VWC2L: variants seen among roughly 807,000 people sequenced by gnomAD.
The protein encoded by VWC2L is von Willebrand factor C domain-containing protein 2-like.
A neutral mutation model predicts 21.6 loss-of-function variants in VWC2L; 10 were observed. The ratio of observed to expected loss-of-function variants is 0.46; its 90% CI spans 0.29 to 0.78. The LOEUF (loss-of-function observed/expected upper bound fraction) is 0.78, where lower values mean the gene tolerates loss of function less well. Ranked by LOEUF, VWC2L falls within the 30% of genes least tolerant of loss-of-function variation. The pLI is 0.10. For missense variants in VWC2L, 209 were observed against 277.1 expected (o/e 0.75, Z 1.74); for synonymous variants, 96 against 94.3 (o/e 1.02, Z -0.10).
chr2:214,533,624 C>G (rs541977357), intron 3 of VWC2L, among the ~76,000 whole-genome samples: 228 of 151,288 alleles, frequency 1.5e-3, no homozygotes, highest in Non-Finnish European at 2.7e-3. Context: ...CGCTCAAAGA[C>G]ACAGTTGTTA....
chr2:214,480,864 CA>C (rs59720596), intron 3 of VWC2L, among the ~76,000 whole-genome samples: 21 of 71,756 alleles, frequency 2.9e-4, no homozygotes, highest in South Asian at 1.2e-3. Context: ...TATGCCAAGC[CA>C]AAAAAAAAAA....
chr2:214,420,151 A>C (rs1311928118), intron 2 of VWC2L, among the ~76,000 whole-genome samples: 1 of 152,194 alleles, frequency 6.6e-6, no homozygotes, highest in Non-Finnish European at 1.5e-5. Context: ...TTTAGAATTG[A>C]TTTGCCCTTT....
At chr2:214,486,730 C>A (rs1355050665) in intron 3 of VWC2L, among the ~76,000 whole-genome samples, 1 of 152,190 alleles carries the variant, frequency 6.6e-6, no homozygotes, top group South Asian at 2.1e-4. Flanking sequence ...TCCATCCTAT[C>A]ACTGGGTCTG....
chr2:214,495,337 T>G (rs1574596876), intron 3 of VWC2L, among the ~76,000 whole-genome samples: 2 of 152,082 alleles, frequency 1.3e-5, no homozygotes, highest in Non-Finnish European at 2.9e-5. Flanking sequence ...TGCTCAGAGG[T>G]TTCTTAGAGG....
intron 3 of VWC2L, among the ~76,000 whole-genome samples, chr2:214,529,473 A>G (rs771328302): frequency 1.3e-5 from 2 of 152,158 alleles, no homozygotes; most frequent in Non-Finnish European, 2.9e-5. Context: ...CGGAAACTCA[A>G]TGACCAAACT....
rs565469383 is a variant in VWC2L, at chr2:214,496,756, C to T, written c.520+59998C>T. Among the ~76,000 whole-genome samples the T allele has an allele frequency of 6.6e-4, 101 of 152,150 alleles. 2 individuals carry two copies. Among genetic ancestry groups the T allele is most frequent in the Middle Eastern group, 3.4e-3 (1 of 294 alleles). On this transcript the variant is annotated intron_variant, in intron 3 of 3. Transcript: ENST00000312504. The stretch of plus-strand genomic sequence containing the variant: ...TTTAAACAAAAAGTTATAATCTTAC[C>T]AATGATTTATTCTAAAAATGCACTT...
At chr2:214,556,067 A>C (rs1689868108) in intron 3 of VWC2L, among the ~76,000 whole-genome samples, 1 of 152,112 alleles carries the variant, frequency 6.6e-6, no homozygotes, top group Admixed American at 6.6e-5. Context: ...TCACCAATGC[A>C]GAGAGTTCCT....
intron 3 of VWC2L, among the ~76,000 whole-genome samples, chr2:214,495,316 C>T (rs555965772): frequency 2.6e-5 from 4 of 152,238 alleles, no homozygotes; most frequent in Middle Eastern, 3.4e-3. Flanking sequence ...CCAGTTGTGA[C>T]TCTGAGGGCC....
chr2:214,513,686 A>G (rs980747759), intron 3 of VWC2L, among the ~76,000 whole-genome samples: 1 of 152,120 alleles, frequency 6.6e-6, no homozygotes, highest in Non-Finnish European at 1.5e-5. Context: ...AGCTTGCTAC[A>G]GATGGTTCTA....
chr2:214,422,299 TTGTG>T (rs112286362), intron 2 of VWC2L, among the ~76,000 whole-genome samples: 8 of 150,142 alleles, frequency 5.3e-5, no homozygotes, highest in African/African-American at 1.2e-4. Flanking sequence ...ATGCATTAAT[TTGTG>T]TGTGTGTGTG....
chr2:214,496,806 C>T (rs548809615), intron 3 of VWC2L, among the ~76,000 whole-genome samples: 52 of 152,248 alleles, frequency 3.4e-4, no homozygotes, highest in African/African-American at 1.1e-3. Flanking sequence ...TCTCACCAGA[C>T]GCTTGGTTCT....
chr2:214,418,600 TTTTTC>T (rs1452813429), intron 2 of VWC2L, among the ~76,000 whole-genome samples: 1 of 152,200 alleles, frequency 6.6e-6, no homozygotes, highest in Non-Finnish European at 1.5e-5. Flanking sequence ...ACTGTTTTCT[TTTTTC>T]TTTTCCCCTC....
Position 214,480,864 on chromosome 2 carries a change from C to CAAAAAAAAAAAAAAAAA in VWC2L, c.520+44114_520+44130dup, listed in dbSNP as rs59720596. Among the ~76,000 whole-genome samples, 43 of 71,742 alleles carry CAAAAAAAAAAAAAAAAA rather than the reference C, an allele frequency of 6.0e-4. 1 individual carries two copies. The highest frequency in any genetic ancestry group is 2.3e-3 in the African/African-American group (43 of 18,414). The allele number at this position is 71,742 out of a possible 152,430, so 47.1% of individuals were successfully genotyped here. ...TTATTCAGAGGTCCATATGCCAAGC[C>CAAAAAAAAAAAAAAAAA]AAAAAAAAAAAAAAAAAAAAAAAAG... is the stretch of plus-strand genomic sequence containing the variant. On this transcript the variant is annotated intron_variant, in intron 3 of 3. Coordinates refer to ENST00000312504, the MANE Select transcript of VWC2L (RefSeq NM_001080500.4).
intron 2 of VWC2L, among the ~76,000 whole-genome samples, chr2:214,433,183 T>TATTA (rs1278271015): frequency 8.8e-6 from 1 of 114,076 alleles, no homozygotes; most frequent in African/African-American, 3.1e-5. Flanking sequence ...TATATATATA[T>TATTA]TATATATAAA....
chr2:214,490,021 T>C (rs1362699753), intron 3 of VWC2L, among the ~76,000 whole-genome samples: 1 of 152,202 alleles, frequency 6.6e-6, no homozygotes, highest in Non-Finnish European at 1.5e-5. Context: ...ACTGTGTACC[T>C]GGGAAGAAGA....
intron 3 of VWC2L, among the ~76,000 whole-genome samples, chr2:214,560,905 G>C (rs1309610175): frequency 6.6e-6 from 1 of 152,172 alleles, no homozygotes; most frequent in Non-Finnish European, 1.5e-5. Context: ...TACTTGCTCA[G>C]AATTTCTCCT....
chr2:214,554,430 G>A (rs577806246), intron 3 of VWC2L, among the ~76,000 whole-genome samples: 21 of 152,198 alleles, frequency 1.4e-4, no homozygotes, highest in Non-Finnish European at 2.4e-4. Context: ...TTTGGGGGCC[G>A]AGGCGGGTGG....
In VWC2L at chr2:214,575,787, G is replaced by C; in HGVS notation, c.636G>C (p.Ser212=). The part of the protein sequence containing the change: ...NGDWWKPAQC[S]KRECQGKQTV Reference sequence around the variant, plus strand: ...ACTGGTGGAAGCCTGCTCAGTGTTCGAAACGTGAATGCCAAGGCAAGCAGA... The same window carrying C: ...ACTGGTGGAAGCCTGCTCAGTGTTCCAAACGTGAATGCCAAGGCAAGCAGA... The change falls in exon 4 of 4, where the codon TCG becomes TCC. Residue 212 remains serine, a synonymous_variant. Transcript: ENST00000312504. 6.2e-7 allele frequency: 1 copy of C among 1,613,390 alleles called. No homozygotes were observed. The highest frequency in any genetic ancestry group is 8.5e-7 in the Non-Finnish European group (1 of 1,179,460).
chr2:214,431,483 C>G (rs1702601228), intron 2 of VWC2L, among the ~76,000 whole-genome samples: 1 of 152,104 alleles, frequency 6.6e-6, no homozygotes, highest in African/African-American at 2.4e-5. Context: ...ATCACTTGAT[C>G]AGAAGGAAAC....
Sources: allele counts gnomAD v4.1 joint callset (sites outside exome capture counted in the v4.1 genomes callset), GRCh38; gene constraint gnomAD v4.1.1; transcripts MANE v1.5; gene names NCBI Gene and HGNC (gene_info 2026-07-23, HGNC 2026-07-21).